GNL3L: variants seen among roughly 807,000 people sequenced by gnomAD.
GNL3L encodes the protein G protein nucleolar 3 like.
A neutral mutation model predicts 42.9 loss-of-function variants in GNL3L; 4 were observed. The observed-to-expected ratio is 0.09, with a 90% CI of 0.05 to 0.21. The LOEUF (loss-of-function observed/expected upper bound fraction) is 0.21, where lower values mean the gene tolerates loss of function less well. Among genes scored for constraint, GNL3L ranks in the 10% least tolerant of loss-of-function variants. The probability of loss-of-function intolerance (pLI) is 1.00; values close to 1 mark genes in which losing one functional copy is unlikely to be tolerated. For missense variants in GNL3L, 412 were observed against 481.7 expected, an observed-to-expected ratio of 0.86 and a Z score of 1.36; for synonymous variants, 159 against 176.3, an observed-to-expected ratio of 0.90 and a Z score of 0.78.
chrX:54,630,203 C>G, the GNL3L span, among the ~76,000 whole-genome samples: 1 of 108,930 alleles, frequency 9.2e-6, no homozygotes, highest in African/African-American at 3.3e-5. Context: ...TTTCAAAGAA[C>G]CAGCTTTTTG....
At chrX:54,540,363 C>T (rs1381432593) in intron 4 of GNL3L, 121 bp downstream of exon 4, 7 of 494,576 alleles carry the variant, frequency 1.4e-5, no homozygotes, top group South Asian at 8.9e-5. Flanking sequence ...TTGTGGAAGC[C>T]GGGAGAGAGG....
At chrX:54,551,790 T>C (rs1601984925) in intron 11 of GNL3L, 42 bp from the exon 12 acceptor site, 1 of 1,208,854 alleles carries the variant, frequency 8.3e-7, no homozygotes, top group East Asian at 3.0e-5. Flanking sequence ...CTAAGGGCCC[T>C]TCATTCCTCC....
chrX:54,590,190 G>A (rs1267484934), intron 16 of GNL3L, among the ~76,000 whole-genome samples: 2 of 111,503 alleles, frequency 1.8e-5, no homozygotes, highest in Admixed American at 9.5e-5. Context: ...CGCCCGCCTC[G>A]GCCTCCCAAA....
At chrX:54,594,279 A>G (rs1181250834) in intron 16 of GNL3L, among the ~76,000 whole-genome samples, 1 of 111,173 alleles carries the variant, frequency 9.0e-6, no homozygotes, top group East Asian at 2.8e-4. Flanking sequence ...ATATATCTGA[A>G]TGCTCCAGTG....
chrX:54,597,801 G>A (rs1483595858), intron 16 of GNL3L, among the ~76,000 whole-genome samples: 1 of 111,024 alleles, frequency 9.0e-6, no homozygotes, highest in African/African-American at 3.3e-5. Context: ...GCTGAGTTTG[G>A]TCTGGTTTTG....
At chrX:54,621,854 C>T (rs187182404), downstream of GNL3L, among the ~76,000 whole-genome samples, 517 of 111,566 alleles carry the variant, frequency 4.6e-3, 4 homozygotes, top group Non-Finnish European at 8.1e-3. Flanking sequence ...GGATTTCCAT[C>T]CACATCTCAG....
At chrX:54,554,767 G>T in intron 14 of GNL3L, 75 bp downstream of exon 14, 2 of 958,793 alleles carry the variant, frequency 2.1e-6, no homozygotes, top group Non-Finnish European at 1.5e-6. Context: ...CCTTTTACCT[G>T]CCTTTCATGT....
At chrX:54,545,288 G>A (rs1189279505) in intron 8 of GNL3L, among the ~76,000 whole-genome samples, 2 of 111,441 alleles carry the variant, frequency 1.8e-5, no homozygotes, top group African/African-American at 6.5e-5. Flanking sequence ...GCACCATCTC[G>A]GCTCACTGCA....
the GNL3L span, among the ~76,000 whole-genome samples, chrX:54,639,349 C>T: frequency 1.1e-3 from 128 of 112,129 alleles, 1 homozygote; most frequent in African/African-American, 3.9e-3. Context: ...CCTTTTCTTC[C>T]GGTACCCACT....
the GNL3L span, among the ~76,000 whole-genome samples, chrX:54,628,212 GGTGTGTGTGTGT>G: frequency 8.1e-4 from 78 of 95,764 alleles, no homozygotes; most frequent in African/African-American, 2.7e-3. Context: ...AGTATTCCGT[GGTGTGTGTGTGT>G]GTGTGTGTGT....
At chrX:54,532,799 T>C (rs982358929) in intron 2 of GNL3L, among the ~76,000 whole-genome samples, 2 of 111,238 alleles carry the variant, frequency 1.8e-5, no homozygotes, top group Non-Finnish European at 3.8e-5. Flanking sequence ...GCTGGGATTA[T>C]AGGTGTGTGC....
In GNL3L at chrX:54,607,029, T is replaced by C. The variant is rs1012320849; in HGVS notation, c.*46-13816T>C. Among the ~76,000 whole-genome samples the C allele has an allele frequency of 2.6e-3, 178 of 67,765 alleles. 14 individuals are homozygous for C. The highest frequency in any genetic ancestry group is 0.017 in the African/African-American group (169 of 9,682). The allele number at this position is 67,765 out of a possible 115,157, so 58.8% of individuals were successfully genotyped here. On this transcript the variant is annotated intron_variant, in intron 16 of 16. Transcript: ENST00000674498. Reference sequence around the variant, plus strand: ...CTTTCTTTCTTTCTTTCTTTCTTTCTTTCTTTCTTTCTTTCTTTCTTTCTT... The same window carrying C: ...CTTTCTTTCTTTCTTTCTTTCTTTCCTTCTTTCTTTCTTTCTTTCTTTCTT...
At chrX:54,568,470 C>T (rs747459927), downstream of GNL3L, among the ~76,000 whole-genome samples, 6 of 111,405 alleles carry the variant, frequency 5.4e-5, no homozygotes, top group African/African-American at 2.0e-4. Flanking sequence ...AATCCATTTC[C>T]TTGCCTTTTT....
intron 16 of GNL3L, among the ~76,000 whole-genome samples, chrX:54,581,020 A>T (rs1925707648): frequency 9.0e-6 from 1 of 111,091 alleles, no homozygotes; most frequent in African/African-American, 3.3e-5. Context: ...ACCTCAGGTG[A>T]TCTGCCTGCC....
At chrX:54,622,528 G>C (rs1208220136), downstream of GNL3L, among the ~76,000 whole-genome samples, 1 of 109,204 alleles carries the variant, frequency 9.2e-6, no homozygotes, top group African/African-American at 3.3e-5. Flanking sequence ...CAGGTGATCC[G>C]CCTGCCTCGG....
chrX:54,542,991 C>T lies in GNL3L; in HGVS notation c.343C>T (p.Leu115=). The part of the protein sequence containing the change: ...VLQELNMFPQ[L]DDEATRKAYY... ...GCAGGAATTAAATATGTTTCCTCAG[C>T]TGGATGACGAGGCCACGAGGAAGGC... The change falls in exon 6 of 16, where the codon CTG becomes TTG. Residue 115 remains leucine, a synonymous_variant. Coordinates refer to ENST00000360845, the MANE Select transcript of GNL3L (RefSeq NM_001184819.2). 2 of 1,194,261 alleles carry T rather than the reference C, an allele frequency of 1.7e-6. No homozygotes were observed. The highest frequency in any genetic ancestry group is 2.3e-6 in the Non-Finnish European group (2 of 879,945).
In GNL3L at chrX:54,561,284, T is replaced by TG. The variant is rs890183122; in HGVS notation, c.*687dup. Among the ~76,000 whole-genome samples, 2 of 111,420 alleles carry TG rather than the reference T, an allele frequency of 1.8e-5. No homozygotes were observed. The highest frequency in any genetic ancestry group is 3.8e-5 in the Non-Finnish European group (2 of 53,097). ...CTAGAAGTTAGGTTGCTGGTAGACC[T>TG]GGGGGTCCCTGCGGGAGGGTGATGG... On this transcript the variant is annotated 3_prime_UTR_variant, in exon 16 of 16. Transcript: ENST00000360845.
chrX:54,557,018 T>G (rs1305433495), intron 14 of GNL3L, among the ~76,000 whole-genome samples: 1 of 109,489 alleles, frequency 9.1e-6, no homozygotes, highest in African/African-American at 3.3e-5. Flanking sequence ...CCGTCTCTAC[T>G]AAAAATAAAA....
chrX:54,536,803 A>G (rs1601976248), intron 2 of GNL3L, among the ~76,000 whole-genome samples: 1 of 89,478 alleles, frequency 1.1e-5, no homozygotes, highest in African/African-American at 4.2e-5. Context: ...AAAAAAACAG[A>G]GAGAGAGAGG....
Sources: allele counts gnomAD v4.1 joint callset (sites outside exome capture counted in the v4.1 genomes callset), GRCh38; gene constraint gnomAD v4.1.1; transcripts MANE v1.5; gene names NCBI Gene and HGNC (gene_info 2026-07-23, HGNC 2026-07-21).